The following CUTC variants were observed in gnomAD, a reference collection of about 807,000 sequenced individuals.
CUTC encodes the protein copper homeostasis protein cutC homolog.
Under a neutral mutation model 36.2 loss-of-function variants are expected in CUTC, and 27 were observed. The observed-to-expected ratio is 0.75, with a 90% confidence interval of 0.55 to 1.03. The LOEUF (loss-of-function observed/expected upper bound fraction) is 1.03. Among genes scored for constraint, CUTC ranks in the 50% least tolerant of loss-of-function variants. CUTC has a pLI of 0.00. For synonymous variants in CUTC, 114 were observed against 118.3 expected, an observed-to-expected ratio of 0.96 and a Z score of 0.24; for missense variants, 315 against 343.5, an observed-to-expected ratio of 0.92 and a Z score of 0.66.
rs967957929 is a variant in CUTC at position 99,732,287 on chromosome 10, G to A, written c.-62G>A. ...GCTGTTGACGCGCTTCTTAGCTGGT[G>A]CGCGCCGGAGCCCAAATTCCAAGTG... On this transcript the variant is annotated 5_prime_UTR_variant, in exon 1 of 9. Transcript: ENST00000370476. 1.9e-6 allele frequency: 3 copies of A among 1,547,876 alleles called. 1 individual carries two copies. The highest frequency in any genetic ancestry group is 3.7e-4 in the Middle Eastern group (2 of 5,446).
chr10:99,754,714 G>T, intron 8 of CUTC, 80 bp downstream of exon 8: 1 of 953,232 alleles, frequency 1.0e-6, no homozygotes. Flanking sequence ...CTTTGGATGG[G>T]GGCATGATTA....
chr10:99,736,942 C>A (rs193166601), intron 2 of CUTC, among the ~76,000 whole-genome samples: 26 of 152,258 alleles, frequency 1.7e-4, no homozygotes, highest in East Asian at 5.8e-4. Context: ...CACATTTGAT[C>A]TTTATCACTT....
chr10:99,743,957 C>A, intron 4 of CUTC, 80 bp from the exon 5 acceptor site: 2 of 1,136,722 alleles, frequency 1.8e-6, no homozygotes, highest in Non-Finnish European at 2.5e-6. Context: ...TAAAAAGTTT[C>A]AGCTAACATG....
At chr10:99,754,770 T>G in intron 8 of CUTC, 136 bp downstream of exon 8, 1 of 616,688 alleles carries the variant, frequency 1.6e-6, no homozygotes, top group Non-Finnish European at 2.8e-6. Flanking sequence ...TAGTTGTTTT[T>G]GTAGTTGAAA....
At chr10:99,746,296 T>G (rs1427860467) in intron 5 of CUTC, among the ~76,000 whole-genome samples, 4 of 152,050 alleles carry the variant, frequency 2.6e-5, no homozygotes, top group Admixed American at 6.5e-5. Context: ...CACTCATAAG[T>G]GGGAGCTAAA....
rs762892491 is a variant in CUTC at position 99,754,566 on chromosome 10, TGA to T, written c.641_642del (p.Glu214GlyfsTer15). The T allele has an allele frequency of 6.2e-7, 1 of 1,613,634 alleles. No homozygotes were observed. Among genetic ancestry groups the T allele is most frequent in the Non-Finnish European group, 8.5e-7 (1 of 1,179,656 alleles). ...CAGACAGAAATCTACAAAGGATCCTTGAGGGTTCAGGTGCTACAGAATTCCAC... is the reference window on the plus strand; with the variant it reads ...CAGACAGAAATCTACAAAGGATCCTTGGGTTCAGGTGCTACAGAATTCCAC... ...ITDRNLQRIL[E>X]GSGATEFHCS... On this transcript the variant is annotated frameshift_variant, in exon 8 of 9. Transcript: ENST00000370476. LOFTEE classifies it high-confidence loss of function.
intron 5 of CUTC, among the ~76,000 whole-genome samples, chr10:99,745,828 G>T (rs1177840695): frequency 6.6e-6 from 1 of 152,260 alleles, no homozygotes; most frequent in Non-Finnish European, 1.5e-5. Flanking sequence ...CTGCACTCCA[G>T]CCTGGGCGAC....
At position 99,732,317 on chromosome 10, in the gene CUTC, C is replaced by T; in HGVS notation, c.-32C>T. The T allele has an allele frequency of 5.2e-6, 8 of 1,550,730 alleles. No individual in the cohort carries two copies. Among genetic ancestry groups the T allele is most frequent in the Non-Finnish European group, 7.0e-6 (8 of 1,146,800 alleles). On this transcript the variant is annotated 5_prime_UTR_variant, in exon 1 of 9. Coordinates refer to ENST00000370476, the MANE Select transcript of CUTC (RefSeq NM_015960.3). ...CCGGAGCCCAAATTCCAAGTGGAAACTGCAGGCGCACGAGGGAGGAACGCG... is the reference window on the plus strand; with the variant it reads ...CCGGAGCCCAAATTCCAAGTGGAAATTGCAGGCGCACGAGGGAGGAACGCG...
chr10:99,736,848 T>C (rs1429337231), intron 2 of CUTC, among the ~76,000 whole-genome samples: 1 of 152,192 alleles, frequency 6.6e-6, no homozygotes. Flanking sequence ...TTTCAACACA[T>C]GGCCAGTTTT....
intron 5 of CUTC, 101 bp from the exon 6 acceptor site, chr10:99,747,156 T>C: frequency 7.5e-7 from 1 of 1,335,974 alleles, no homozygotes; most frequent in East Asian, 2.3e-5. Flanking sequence ...TGTAAGCCAG[T>C]ACAAGCTAGG....
chr10:99,738,897 G>A (rs1159773748), intron 2 of CUTC, among the ~76,000 whole-genome samples: 1 of 151,914 alleles, frequency 6.6e-6, no homozygotes, highest in East Asian at 1.9e-4. Context: ...TTTTAGTAGG[G>A]GTTGCAAAAT....
chr10:99,753,564 C>A (rs898138623), intron 7 of CUTC, among the ~76,000 whole-genome samples: 2 of 152,122 alleles, frequency 1.3e-5, no homozygotes, highest in Admixed American at 6.5e-5. Context: ...CACCCACCAC[C>A]ACATCCAGCT....
intron 2 of CUTC, among the ~76,000 whole-genome samples, chr10:99,737,813 A>G (rs888343233): frequency 2.0e-5 from 3 of 151,890 alleles, no homozygotes; most frequent in Non-Finnish European, 2.9e-5. Context: ...CAAATCCCAG[A>G]CATCATGTTA....
rs752062460 is a variant in CUTC at position 99,755,664 on chromosome 10, A to G, written c.747A>G (p.Ser249=). 1.1e-5 allele frequency: 17 copies of G among 1,613,942 alleles called. No individual in the cohort carries two copies. The highest frequency in any genetic ancestry group is 1.4e-5 in the Non-Finnish European group (17 of 1,179,842). ...CCATGGGAGCCTCACTTTCTTGCTC[A>G]GAATATTCCCTAAAGGTAACAGATG... The part of the protein sequence containing the change: ...SVAMGASLSC[S]EYSLKVTDVT... Residue 249 remains serine (S), a synonymous_variant, in exon 9 of 9, where the codon TCA becomes TCG. Transcript: ENST00000370476.
Position 99,736,320 on chromosome 10 carries a change from A to G in CUTC, c.133+3A>G. ...AGCTGTGAATGCAGAAAGAGGAGGT[A>G]AGAGAAATCAGATAGTGAATGACCG... On this transcript the variant is annotated splice_donor_region_variant and intron_variant, in intron 2 of 8. Transcript: ENST00000370476. 2 of 1,609,772 alleles carry G rather than the reference A, an allele frequency of 1.2e-6. No homozygotes were observed. Among genetic ancestry groups the G allele is most frequent in the Non-Finnish European group, 8.5e-7 (1 of 1,176,128 alleles).
At chr10:99,740,434 G>GT (rs55778767) in intron 3 of CUTC, among the ~76,000 whole-genome samples, 2 of 151,056 alleles carry the variant, frequency 1.3e-5, no homozygotes, top group African/African-American at 4.9e-5. Flanking sequence ...AGGTTGACAG[G>GT]TTTTTTTTTT....
chr10:99,743,937 A>T (rs2037359291), intron 4 of CUTC, 100 bp from the exon 5 acceptor site: 1 of 846,278 alleles, frequency 1.2e-6, no homozygotes, highest in African/African-American at 1.8e-5. Flanking sequence ...TTGTTAGGCG[A>T]AGAAAGTATT....
chr10:99,736,123 G>A (rs1019749695), intron 1 of CUTC, 123 bp from the exon 2 acceptor site: 30 of 707,196 alleles, frequency 4.2e-5, no homozygotes, highest in African/African-American at 4.1e-4. Flanking sequence ...GGGCCCTAGT[G>A]TACTTATCTA....
intron 5 of CUTC, among the ~76,000 whole-genome samples, 172 bp from the exon 6 acceptor site, chr10:99,747,084 CA>C (rs956537584): frequency 6.6e-6 from 1 of 152,204 alleles, no homozygotes; most frequent in African/African-American, 2.4e-5. Context: ...TCACTAATTT[CA>C]GGCTGCCAGT....
Sources: gnomAD v4.1 joint callset for allele counts (sites outside exome capture counted in the v4.1 genomes callset) on GRCh38, gnomAD v4.1.1 for gene constraint, MANE v1.5 for transcripts, NCBI Gene and HGNC (gene_info 2026-07-23, HGNC 2026-07-21) for gene names.